The following COL7A1 variants were observed in gnomAD, a reference collection of about 807,000 sequenced individuals.
COL7A1 encodes collagen alpha-1(VII) chain.
Under a neutral mutation model 456.2 loss-of-function variants are expected in COL7A1, and 296 were observed. The observed-to-expected ratio is 0.65, with a 90% CI of 0.59 to 0.71. The LOEUF is 0.71. Ranked by LOEUF, COL7A1 falls within the 30% of genes least tolerant of loss-of-function variation. COL7A1 has a pLI of 0.00. For missense variants in COL7A1, 3,441 were observed against 4,017.2 expected (o/e 0.86, Z 3.88); for synonymous variants, 1,464 against 1,525.9 (o/e 0.96, Z 0.95).
At position 48,565,552 on chromosome 3, in the gene COL7A1, A is replaced by T; in HGVS notation, c.8441-56T>A. ...TGAAGTCACCATGGGCAGCCATCCC[A>T]GCCAACCCCCCTGAGAGGACCCCAG... On this transcript the variant is annotated intron_variant, in intron 115 of 118. Coordinates refer to ENST00000681320, the MANE Select transcript of COL7A1 (RefSeq NM_000094.4). This position sits in a 1 kb window ranked among gnomAD's most constrained non-coding sequence, Gnocchi z 4.5. 5 of 1,613,792 alleles carry T rather than the reference A, an allele frequency of 3.1e-6. No homozygotes were observed. The highest frequency in any genetic ancestry group is 4.2e-6 in the Non-Finnish European group (5 of 1,179,702).
At position 48,566,852 on chromosome 3, in the gene COL7A1, G is replaced by A. The variant is rs2043629288; in HGVS notation, c.8226+55C>T. ...CAGGCAGGCTGGAAGATGGTTATGA[G>A]GTTGGAAGGGTAGGGAAGGTTCAGG... On this transcript the variant is annotated intron_variant, in intron 111 of 118. Transcript: ENST00000681320. This position sits in a 1 kb window ranked among gnomAD's most constrained non-coding sequence, Gnocchi z 5.9. 8.9e-6 allele frequency: 14 copies of A among 1,575,308 alleles called. No individual in the cohort carries two copies. Among genetic ancestry groups the A allele is most frequent in the Non-Finnish European group, 1.1e-5 (13 of 1,152,808 alleles).
In COL7A1 at chr3:48,588,982, C is replaced by T. The variant is rs1678228966; in HGVS notation, c.2328G>A (p.Val776=). 2 of 1,613,484 alleles carry T rather than the reference C, an allele frequency of 1.2e-6. No homozygotes were observed. The highest frequency in any genetic ancestry group is 1.7e-6 in the Non-Finnish European group (2 of 1,180,036). The change falls in exon 19 of 119, where the codon GTG becomes GTA. Residue 776 remains valine, a synonymous_variant. Transcript: ENST00000681320. The surrounding 1 kb of genome is among the most constrained non-coding windows in gnomAD (Gnocchi z 4.6). ...SVVVRTAPEP[V]GRVSRLQILN... ...GGATCTGCAGCCTCGACACACGACCCACAGGCTCAGGGGCTGGGGACAGAG... is the reference window on the plus strand; with the variant it reads ...GGATCTGCAGCCTCGACACACGACCTACAGGCTCAGGGGCTGGGGACAGAG...
Position 48,591,476 on chromosome 3 carries a change from G to A in COL7A1, c.1624C>T (p.Arg542Cys), listed in dbSNP as rs780602305. The stretch of plus-strand genomic sequence containing the variant: ...GCGTCCACCTCACCCTGGGTGCTGC[G>A]CACAATGATGCGGTACTGGGTGGCA... Reference protein sequence around the residue: ...PGATQYRIIVRSTQGVERTLV... With the variant: ...PGATQYRIIVCSTQGVERTLV... Residue 542 changes from arginine (R) to cysteine (C), a missense_variant, in exon 13 of 119, where the codon CGC (arginine) becomes TGC (cysteine). Around this residue, in one of 3 missense-constraint regions of COL7A1, gnomAD observed 913 missense variants for 1,088.2 expected, o/e 0.84. Transcript: ENST00000681320. This position sits in a 1 kb window ranked among gnomAD's most constrained non-coding sequence, Gnocchi z 7.0. 1.3e-5 allele frequency: 21 copies of A among 1,613,710 alleles called. No homozygotes were observed. The Admixed American group carries it at 2.3e-4, about 18-fold the overall frequency.
At position 48,580,184 on chromosome 3, in the gene COL7A1, G is replaced by T. The variant is rs1457551464; in HGVS notation, c.5097+116C>A. On this transcript the variant is annotated intron_variant, in intron 56 of 118. Transcript: ENST00000681320. This position sits in a 1 kb window ranked among gnomAD's most constrained non-coding sequence, Gnocchi z 4.5. ...CCCAATGCCAGCCCCCAGCAGGCAT[G>T]GGTGGCCATCCATGCTTCCCACCTG... 5 of 1,525,772 alleles carry T rather than the reference G, an allele frequency of 3.3e-6. No homozygotes were observed. Among genetic ancestry groups the T allele is most frequent in the Admixed American group, 1.8e-5 (1 of 54,806 alleles). The allele number at this position is 1,525,772 out of a possible 1,614,324, so 94.5% of individuals were successfully genotyped here. A position where few individuals can be genotyped will look rare whatever the true frequency, so the allele number is the denominator to read the frequency against.
rs753697263 is a variant in COL7A1 at position 48,566,229 on chromosome 3, G to C, written c.8407+38C>G. 6.3e-7 allele frequency: 1 copy of C among 1,582,316 alleles called. No individual in the cohort carries two copies. Among genetic ancestry groups the C allele is most frequent in the African/African-American group, 1.3e-5 (1 of 74,574 alleles). On this transcript the variant is annotated intron_variant, in intron 114 of 118. Transcript: ENST00000681320. The surrounding 1 kb of genome is among the most constrained non-coding windows in gnomAD (Gnocchi z 5.9). ...CCTGCCTGCCCTTGCCTAGGGTGCT[G>C]GGGTGGAGTGGGAGACTGCGGGCTG...
Position 48,587,655 on chromosome 3 carries a change from A to G in COL7A1, c.2858-101T>C, listed in dbSNP as rs1343083207. On this transcript the variant is annotated intron_variant, in intron 22 of 118. Coordinates refer to ENST00000681320, the MANE Select transcript of COL7A1 (RefSeq NM_000094.4). The surrounding 1 kb of genome is among the most constrained non-coding windows in gnomAD (Gnocchi z 6.1). The stretch of plus-strand genomic sequence containing the variant: ...GTCCGGTTTGTCTTATTGAAGCATC[A>G]TGGGAGGTCATGCTGGGGTCACCCA... The G allele has an allele frequency of 5.6e-6, 9 of 1,602,046 alleles. No individual in the cohort carries two copies. Among genetic ancestry groups the G allele is most frequent in the Admixed American group, 1.7e-5 (1 of 59,950 alleles).
chr3:48,583,381 A>T lies in COL7A1; in HGVS notation c.4437+12T>A, dbSNP rs184093617. ...GCACCCCTCACACCTGAATCCCCCA[A>T]CTGGTACTCACTTTGGGGCCAATAG... On this transcript the variant is annotated intron_variant, in intron 42 of 118. Coordinates refer to ENST00000681320, the MANE Select transcript of COL7A1 (RefSeq NM_000094.4). The surrounding 1 kb of genome is among the most constrained non-coding windows in gnomAD (Gnocchi z 5.1). 6.2e-7 allele frequency: 1 copy of T among 1,613,912 alleles called. No individual in the cohort carries two copies.
chr3:48,578,485 G>A lies in COL7A1; in HGVS notation c.5455C>T (p.Leu1819Phe). The A allele has an allele frequency of 6.2e-7, 1 of 1,612,756 alleles. No individual in the cohort carries two copies. Among genetic ancestry groups the A allele is most frequent in the South Asian group, 1.1e-5 (1 of 91,042 alleles). ...GLPGLRGEQG[L>F]PGPSGPPGLP... ...CCAGGGGGACCAGAGGGGCCAGGGA[G>A]GCCCTGTTCTCCACGGAGGCCTGGA... Residue 1819 changes from leucine to phenylalanine, a missense_variant, in exon 64 of 119, where the codon CTC becomes TTC. By Grantham distance (22) the Leu-to-Phe change is conservative. Around this residue, in one of 3 missense-constraint regions of COL7A1, gnomAD observed 2,084 missense variants for 2,501.3 expected, o/e 0.83. Coordinates refer to ENST00000681320, the MANE Select transcript of COL7A1 (RefSeq NM_000094.4). This position sits in a 1 kb window ranked among gnomAD's most constrained non-coding sequence, Gnocchi z 4.7.
chr3:48,566,344 A>G lies in COL7A1; in HGVS notation c.8359-29T>C, dbSNP rs2043604493. 6.2e-7 allele frequency: 1 copy of G among 1,605,440 alleles called. No individual in the cohort carries two copies. Among genetic ancestry groups the G allele is most frequent in the Non-Finnish European group, 8.5e-7 (1 of 1,176,290 alleles). On this transcript the variant is annotated intron_variant, in intron 113 of 118. Coordinates refer to ENST00000681320, the MANE Select transcript of COL7A1 (RefSeq NM_000094.4). This position sits in a 1 kb window ranked among gnomAD's most constrained non-coding sequence, Gnocchi z 5.9. The stretch of plus-strand genomic sequence containing the variant: ...GGAGCAGAAGACCACAGGGACCATA[A>G]AGAACCCATGGCCCACAGGAAGGAC...
Position 48,564,080 on chromosome 3 carries a change from A to C in COL7A1, c.*326T>G. ...CAAACAGTCACAACAGGAGCCTTTT[A>C]AAACAGCAGCTTTAATGCCCCCCAG... is the stretch of plus-strand genomic sequence containing the variant. On this transcript the variant is annotated 3_prime_UTR_variant, in exon 119 of 119. Transcript: ENST00000681320. The surrounding 1 kb of genome is among the most constrained non-coding windows in gnomAD (Gnocchi z 6.0). The C allele has an allele frequency of 2.4e-6, 1 of 422,300 alleles. No individual in the cohort carries two copies. Among genetic ancestry groups the C allele is most frequent in the Non-Finnish European group, 4.5e-6 (1 of 224,148 alleles). 26.2% of individuals were successfully genotyped at this position (422,300 alleles called of 1,614,324 possible).
chr3:48,576,098 T>C, intron 71 of COL7A1, 151 bp downstream of exon 71: 1 of 1,407,144 alleles, frequency 7.1e-7, no homozygotes, highest in Non-Finnish European at 9.9e-7. Flanking sequence ...CCAAGTTCCC[T>C]TGAGTGTGGG....
Position 48,583,681 on chromosome 3 carries a change from C to A in COL7A1, c.4341+37G>T. 3 of 1,613,738 alleles carry A rather than the reference C, an allele frequency of 1.9e-6. No homozygotes were observed. Among genetic ancestry groups the A allele is most frequent in the Non-Finnish European group, 1.7e-6 (2 of 1,179,698 alleles). On this transcript the variant is annotated intron_variant, in intron 40 of 118. Coordinates refer to ENST00000681320, the MANE Select transcript of COL7A1 (RefSeq NM_000094.4). The surrounding 1 kb of genome is among the most constrained non-coding windows in gnomAD (Gnocchi z 5.1). ...CCTGCCCCCAGCACGCAGCCTCCCA[C>A]CCCAGAACTGGGACATCATCAAGTC... is the stretch of plus-strand genomic sequence containing the variant.
At position 48,572,668 on chromosome 3, in the gene COL7A1, C is replaced by A; in HGVS notation, c.6900+3G>T. ...GGGGGTGGAAGTCAGGGTCAAAGAT[C>A]ACCTGTCCAGGGGCCCCCGTGGGGC... On this transcript the variant is annotated splice_donor_region_variant and intron_variant, in intron 88 of 118. Coordinates refer to ENST00000681320, the MANE Select transcript of COL7A1 (RefSeq NM_000094.4). This position sits in a 1 kb window ranked among gnomAD's most constrained non-coding sequence, Gnocchi z 4.6. The A allele has an allele frequency of 6.2e-7, 1 of 1,602,568 alleles. No individual in the cohort carries two copies. The highest frequency in any genetic ancestry group is 1.1e-5 in the South Asian group (1 of 89,600).
At position 48,567,525 on chromosome 3, in the gene COL7A1, C is replaced by G; in HGVS notation, c.8046+49G>C. 1 of 1,612,596 alleles carries G rather than the reference C, an allele frequency of 6.2e-7. No individual in the cohort carries two copies. Among genetic ancestry groups the G allele is most frequent in the Non-Finnish European group, 8.5e-7 (1 of 1,178,634 alleles). The stretch of plus-strand genomic sequence containing the variant: ...CCCCATGACCCGACCATGAGCTTCC[C>G]TGCCCCATCCTGACTCCCTGTCATG... On this transcript the variant is annotated intron_variant, in intron 109 of 118. Coordinates refer to ENST00000681320, the MANE Select transcript of COL7A1 (RefSeq NM_000094.4). This position sits in a 1 kb window ranked among gnomAD's most constrained non-coding sequence, Gnocchi z 4.3.
intron 16 of COL7A1, 137 bp from the exon 17 acceptor site, chr3:48,589,855 T>G (rs2045568415): frequency 1.6e-6 from 2 of 1,263,620 alleles, no homozygotes; most frequent in Non-Finnish European, 2.3e-6. Context: ...AGTGGAGGAG[T>G]GGGGAGGTGG....
In COL7A1 at chr3:48,571,411, A is replaced by G; in HGVS notation, c.7069-133T>C. On this transcript the variant is annotated intron_variant, in intron 92 of 118. Coordinates refer to ENST00000681320, the MANE Select transcript of COL7A1 (RefSeq NM_000094.4). This position sits in a 1 kb window ranked among gnomAD's most constrained non-coding sequence, Gnocchi z 4.6. ...TGGGAACTCAGACATGCGACCAAGAATTGGCTCACAGGAGCTCAGACATGA... is the reference window on the plus strand; with the variant it reads ...TGGGAACTCAGACATGCGACCAAGAGTTGGCTCACAGGAGCTCAGACATGA... 8.8e-7 allele frequency: 1 copy of G among 1,140,404 alleles called. No homozygotes were observed. The highest frequency in any genetic ancestry group is 1.3e-6 in the Non-Finnish European group (1 of 769,066). The allele number at this position is 1,140,404 out of a possible 1,614,324, so 70.6% of individuals were successfully genotyped here. A position where few individuals can be genotyped will look rare whatever the true frequency, so the allele number is the denominator to read the frequency against.
Position 48,569,809 on chromosome 3 carries a change from A to G in COL7A1, c.7522-49T>C, listed in dbSNP as rs6781283. ...CCCGCCCAAACTGGGGAGGCCCCGC[A>G]CCTGAATTCTAATATCATACAAGAT... On this transcript the variant is annotated intron_variant, in intron 100 of 118. Coordinates refer to ENST00000681320, the MANE Select transcript of COL7A1 (RefSeq NM_000094.4). This position sits in a 1 kb window ranked among gnomAD's most constrained non-coding sequence, Gnocchi z 4.9. 69,141 of 1,613,914 alleles carry G rather than the reference A, an allele frequency of 0.043. 2,795 individuals carry two copies. Among genetic ancestry groups the G allele is most frequent in the African/African-American group, 0.2 (15,119 of 74,960 alleles).
chr3:48,576,599 G>A (rs375642162), intron 68 of COL7A1, 42 bp from the exon 69 acceptor site: 7 of 1,596,858 alleles, frequency 4.4e-6, no homozygotes, highest in Non-Finnish European at 6.0e-6. Flanking sequence ...AAGGCCCATG[G>A]CTTCCCAGGA....
rs2044685228 is a variant in COL7A1, at chr3:48,580,655, A to T, written c.4981-3T>A. 1.2e-6 allele frequency: 2 copies of T among 1,613,358 alleles called. No individual in the cohort carries two copies. Among genetic ancestry groups the T allele is most frequent in the East Asian group, 4.5e-5 (2 of 44,860 alleles). On this transcript the variant is annotated splice_region_variant and splice_polypyrimidine_tract_variant and intron_variant, in intron 54 of 118. Transcript: ENST00000681320. The surrounding 1 kb of genome is among the most constrained non-coding windows in gnomAD (Gnocchi z 4.5). ...GGCCCCCGAACTCCAGGTGCCCCCT[A>T]AGAAGAGCAGCTGGCCTGAGACAGA...
Sources: gnomAD v4.1 joint callset for allele counts on GRCh38, gnomAD v4.1.1 for gene constraint, gnomAD v4.1.1 regional missense constraint, Gnocchi (gnomAD v3.1) non-coding constraint, MANE v1.5 for transcripts, NCBI Gene and HGNC (gene_info 2026-07-23, HGNC 2026-07-21) for gene names.